RGS3: variants seen among roughly 807,000 people sequenced by gnomAD.
The protein encoded by RGS3 is regulator of G-protein signalling 3.
In RGS3, 80 loss-of-function variants were observed where a neutral mutation model predicts 132.6. The observed-to-expected ratio is 0.60, with a 90% CI of 0.50 to 0.73. The LOEUF (loss-of-function observed/expected upper bound fraction) is 0.73. RGS3 is among the 30% of genes least tolerant of loss of function. The pLI is 0.00. For missense variants in RGS3, 1,382 were observed against 1,530.8 expected, an observed-to-expected ratio of 0.90 and a Z score of 1.62; for synonymous variants, 598 against 620.6, an observed-to-expected ratio of 0.96 and a Z score of 0.54.
intron 21 of RGS3, chr9:113,593,906 G>T: frequency 1.3e-6 from 2 of 1,580,996 alleles, no homozygotes; most frequent in Non-Finnish European, 1.7e-6. Flanking sequence ...CCCCACCACT[G>T]TCTCCCTGCT....
In RGS3 at chr9:113,516,524, G is replaced by GT. The variant is rs573115291; in HGVS notation, c.1675-1011dup. On this transcript the variant is annotated intron_variant, in intron 15 of 24. Coordinates refer to ENST00000350696, the Ensembl canonical transcript of RGS3. ...AGGTGCCCACGACCATGCCTGGCTAGTTTTTTGTATTTTTAGTAGAGACGG... is the reference window on the plus strand; with the variant it reads ...AGGTGCCCACGACCATGCCTGGCTAGTTTTTTTGTATTTTTAGTAGAGACGG... Among the ~76,000 whole-genome samples the GT allele has an allele frequency of 1.3e-3, 199 of 151,862 alleles. 3 individuals carry two copies. The highest frequency in any genetic ancestry group is 2.2e-4 in the Non-Finnish European group (15 of 67,898).
chr9:113,556,627 C>A (rs1213504331), intron 19 of RGS3, among the ~76,000 whole-genome samples: 1 of 152,164 alleles, frequency 6.6e-6, no homozygotes, highest in African/African-American at 2.4e-5. Context: ...AAACTATACT[C>A]CCTGCCTGTC....
intron 3 of RGS3, among the ~76,000 whole-genome samples, chr9:113,474,616 G>A (rs1457641781): frequency 6.6e-6 from 1 of 152,152 alleles, no homozygotes; most frequent in Non-Finnish European, 1.5e-5. Flanking sequence ...TAAACGGAGG[G>A]GAAATCTGTG....
intron 4 of RGS3, 79 bp downstream of exon 2, chr9:113,479,620 G>A: frequency 7.5e-7 from 1 of 1,330,290 alleles, no homozygotes; most frequent in Non-Finnish European, 1.1e-6. Flanking sequence ...GTTGGGGGAT[G>A]GTGGCACCAT....
At chr9:113,576,337 CTT>C (rs558156232) in intron 19 of RGS3, among the ~76,000 whole-genome samples, 5 of 142,348 alleles carry the variant, frequency 3.5e-5, no homozygotes, top group Admixed American at 7.0e-5. Context: ...ATTGTTCTTT[CTT>C]TTTTTTTTTT....
chr9:113,556,312 C>A (rs1833565122), intron 19 of RGS3, among the ~76,000 whole-genome samples: 1 of 152,022 alleles, frequency 6.6e-6, no homozygotes, highest in African/African-American at 2.4e-5. Context: ...CCAAGTCTTC[C>A]TTTCGTTCAG....
intron 20 of RGS3, among the ~76,000 whole-genome samples, chr9:113,585,741 A>G (rs1835086346): frequency 6.6e-6 from 1 of 152,240 alleles, no homozygotes; most frequent in Non-Finnish European, 1.5e-5. Context: ...GGCAGACATC[A>G]TTAATGGATT....
chr9:113,501,219 T>G (rs1748906586), intron 10 of RGS3, among the ~76,000 whole-genome samples: 1 of 151,966 alleles, frequency 6.6e-6, no homozygotes. Context: ...TCTCCTCCAG[T>G]GAGGGGTGTT....
chr9:113,557,422 G>A (rs1012122198), intron 19 of RGS3, among the ~76,000 whole-genome samples: 21 of 152,234 alleles, frequency 1.4e-4, no homozygotes, highest in South Asian at 2.1e-4. Context: ...GTAGGATCAC[G>A]TGCCCATTCC....
intron 19 of RGS3, among the ~76,000 whole-genome samples, chr9:113,568,363 G>A (rs1834102803): frequency 6.6e-6 from 1 of 152,260 alleles, no homozygotes; most frequent in Non-Finnish European, 1.5e-5. Context: ...CCCTTGGTCG[G>A]TGGGCTGGAG....
At chr9:113,527,890 G>C (rs1832286587) in intron 17 of RGS3, among the ~76,000 whole-genome samples, 1 of 152,230 alleles carries the variant, frequency 6.6e-6, no homozygotes, top group South Asian at 2.1e-4. Context: ...TGCTTTGAGA[G>C]GACAGAGGAG....
Position 113,565,948 on chromosome 9 carries a change from C to A in RGS3, c.2038-17502C>A, listed in dbSNP as rs572185460. On this transcript the variant is annotated intron_variant, in intron 19 of 24. Coordinates refer to ENST00000350696, the Ensembl canonical transcript of RGS3. This position sits in a 1 kb window ranked among gnomAD's most constrained non-coding sequence, Gnocchi z 5.7. ...GTCTGTCTGTCTCAGGGGCTGGGAG[C>A]CCTGCAAGTTTTGGGGGATGCTTCC... Among the ~76,000 whole-genome samples the A allele has an allele frequency of 4.6e-4, 69 of 150,226 alleles. 1 individual carries two copies. The highest frequency in any genetic ancestry group is 9.4e-4 in the Non-Finnish European group (64 of 67,802).
intron 3 of RGS3, among the ~76,000 whole-genome samples, chr9:113,472,909 T>C (rs2119191916): frequency 6.6e-6 from 1 of 152,022 alleles, no homozygotes; most frequent in South Asian, 2.1e-4. Flanking sequence ...GTGTGGGTGG[T>C]GCATGCCTGT....
chr9:113,553,459 A>AAAAAAAAAAAAATAAAT (rs1426114805), intron 19 of RGS3, among the ~76,000 whole-genome samples: 3 of 58,706 alleles, frequency 5.1e-5, no homozygotes, highest in Non-Finnish European at 9.1e-5. Flanking sequence ...AAAAAAAAAA[A>AAAAAAAAAAAAATAAAT]ATATATATAT....
intron 10 of RGS3, chr9:113,501,345 A>G (rs1830882475): frequency 8.1e-7 from 1 of 1,228,766 alleles, no homozygotes; most frequent in African/African-American, 1.5e-5. Flanking sequence ...TTTTAATATA[A>G]AACTCTCCCT....
At chr9:113,561,563 G>A (rs1352694616) in intron 19 of RGS3, among the ~76,000 whole-genome samples, 3 of 148,860 alleles carry the variant, frequency 2.0e-5, no homozygotes, top group Admixed American at 6.7e-5. Context: ...CAGGCACACA[G>A]CACCATGCCC....
At chr9:113,467,684 A>G (rs989878435) in intron 3 of RGS3, among the ~76,000 whole-genome samples, 1 of 151,612 alleles carries the variant, frequency 6.6e-6, no homozygotes, top group African/African-American at 2.4e-5. Context: ...GGTTTTTTTC[A>G]CTTTCTTGAT....
intron 19 of RGS3, among the ~76,000 whole-genome samples, chr9:113,571,202 T>C (rs1336385856): frequency 1.3e-4 from 20 of 152,276 alleles, no homozygotes; most frequent in Admixed American, 1.3e-3. Flanking sequence ...TGAATGGTGC[T>C]GCTATGAATA....
chr9:113,497,399 T>C (rs1437525387), exon 9 of RGS3: 1 of 1,613,046 alleles, frequency 6.2e-7, no homozygotes, highest in Admixed American at 1.7e-5. Flanking sequence ...CTGCGGCCGC[T>C]GAGAGGTACC....
Sources: gnomAD v4.1 joint callset for allele counts (sites outside exome capture counted in the v4.1 genomes callset) on GRCh38, gnomAD v4.1.1 for gene constraint, Gnocchi (gnomAD v3.1) non-coding constraint, MANE v1.5 for transcripts, NCBI Gene and HGNC (gene_info 2026-07-23, HGNC 2026-07-21) for gene names.